LY96: variants seen among roughly 807,000 people sequenced by gnomAD.
The protein encoded by LY96 is lymphocyte antigen 96, also known as myeloid differentiation protein-2.
Under a neutral mutation model 18.9 loss-of-function variants are expected in LY96, and 18 were observed. That is an observed-to-expected ratio of 0.95 (90% CI 0.66 to 1.41). LY96 has a LOEUF of 1.41. Ranked by LOEUF, LY96 falls within the 40% of genes most tolerant of loss-of-function variation. The pLI is 0.00. For synonymous variants in LY96, 66 were observed against 62.6 expected (o/e 1.06, Z -0.26); for missense variants, 175 against 182.4 (o/e 0.96, Z 0.23).
At chr8:74,095,843 C>T in the LY96 span, among the ~76,000 whole-genome samples, 14 of 152,192 alleles carry the variant, frequency 9.2e-5, no homozygotes, top group South Asian at 2.1e-4. Context: ...AACTCCCACA[C>T]GAGCACCTCC....
Position 74,004,845 on chromosome 8 carries a change from GA to G in LY96, c.166del (p.Arg56AspfsTer16). 6.3e-7 allele frequency: 1 copy of G among 1,591,988 alleles called. No homozygotes were observed. The highest frequency in any genetic ancestry group is 8.6e-7 in the Non-Finnish European group (1 of 1,162,214). ...SINVNPCIEL[K>X]RSKGLLHIFY... ...TTAATGTTAACCCCTGTATAGAATT[GA>G]AAAGATCCAAAGGATTATTGCACAT... On this transcript the variant is annotated frameshift_variant, in exon 2 of 5. Transcript: ENST00000284818. LOFTEE classifies it high-confidence loss of function.
chr8:74,026,573 A>G (rs753838402), intron 3 of LY96, among the ~76,000 whole-genome samples: 3 of 152,172 alleles, frequency 2.0e-5, no homozygotes, highest in African/African-American at 7.2e-5. Context: ...TGTGTCCCCT[A>G]AGGGATAAGG....
Position 74,002,052 on chromosome 8 carries a change from T to G in LY96, c.113-2744T>G, listed in dbSNP as rs1464497616. On this transcript the variant is annotated intron_variant, in intron 1 of 4. Coordinates refer to ENST00000284818, the MANE Select transcript of LY96 (RefSeq NM_015364.5). The stretch of plus-strand genomic sequence containing the variant: ...CTTCCTTCCTTCCTTCCTTCCTTCC[T>G]TCCTTCCTTCCTTCCTTCCTTCCTT... Among the ~76,000 whole-genome samples, 64 of 40,750 alleles carry G rather than the reference T, an allele frequency of 1.6e-3. 9 individuals are homozygous for G. Among genetic ancestry groups the G allele is most frequent in the East Asian group, 6.0e-3 (10 of 1,658 alleles). 26.7% of individuals were successfully genotyped at this position (40,750 alleles called of 152,430 possible).
At chr8:74,038,633 C>T in the LY96 span, among the ~76,000 whole-genome samples, 24 of 152,150 alleles carry the variant, frequency 1.6e-4, no homozygotes, top group Non-Finnish European at 2.9e-4. Flanking sequence ...TCAAGGGAGG[C>T]CTACCGTCTC....
the LY96 span, among the ~76,000 whole-genome samples, chr8:74,071,108 C>T: frequency 1.3e-5 from 2 of 152,152 alleles, no homozygotes; most frequent in Admixed American, 6.5e-5. Context: ...AAGCATAGGG[C>T]AGGTGTCAGA....
chr8:74,044,802 A>C, the LY96 span, among the ~76,000 whole-genome samples: 59 of 152,232 alleles, frequency 3.9e-4, no homozygotes, highest in African/African-American at 1.4e-3. Flanking sequence ...AAAGAAGAAA[A>C]ATGGTTTCTG....
At chr8:73,997,146 C>A (rs937955498) in intron 1 of LY96, among the ~76,000 whole-genome samples, 1 of 152,230 alleles carries the variant, frequency 6.6e-6, no homozygotes, top group Non-Finnish European at 1.5e-5. Flanking sequence ...CATGAGCCAC[C>A]GTGTCCGGCC....
chr8:73,991,733 A>G (rs998157070), intron 1 of LY96, among the ~76,000 whole-genome samples, 179 bp downstream of exon 1: 1 of 152,134 alleles, frequency 6.6e-6, no homozygotes, highest in African/African-American at 2.4e-5. Flanking sequence ...AATGTTCTCG[A>G]CCACTCACAG....
the LY96 span, among the ~76,000 whole-genome samples, chr8:74,078,067 G>A: frequency 1.3e-4 from 20 of 150,164 alleles, no homozygotes; most frequent in African/African-American, 4.7e-4. Context: ...GGGATTGTGC[G>A]ACTGCACTCC....
At chr8:74,024,678 C>G (rs553446583) in intron 3 of LY96, among the ~76,000 whole-genome samples, 76 of 152,246 alleles carry the variant, frequency 5.0e-4, no homozygotes, top group African/African-American at 1.6e-3. Context: ...GGATTCAAAC[C>G]CAAGCCGTTC....
At chr8:74,021,117 A>G (rs1326543410) in intron 3 of LY96, among the ~76,000 whole-genome samples, 1 of 152,242 alleles carries the variant, frequency 6.6e-6, no homozygotes, top group Non-Finnish European at 1.5e-5. Flanking sequence ...AGAAACTGTC[A>G]TCAGATTGAA....
the LY96 span, among the ~76,000 whole-genome samples, chr8:74,075,344 C>G: frequency 6.6e-6 from 1 of 152,242 alleles, no homozygotes; most frequent in Admixed American, 6.5e-5. Flanking sequence ...AATCATAGCT[C>G]ACTGCAGCCT....
the LY96 span, among the ~76,000 whole-genome samples, chr8:74,095,414 A>G: frequency 2.0e-5 from 3 of 152,112 alleles, no homozygotes; most frequent in African/African-American, 7.2e-5. Flanking sequence ...ATCCCTCCCT[A>G]TAGGTTTAAT....
At chr8:74,002,085 T>TCTC (rs1816303770) in intron 1 of LY96, among the ~76,000 whole-genome samples, 2 of 29,304 alleles carry the variant, frequency 6.8e-5, no homozygotes, top group Non-Finnish European at 5.9e-5. Flanking sequence ...CTTTCTTTCT[T>TCTC]TCTTTCTTTC....
intron 2 of LY96, among the ~76,000 whole-genome samples, chr8:74,005,734 A>C (rs1816395505): frequency 6.6e-6 from 1 of 152,182 alleles, no homozygotes; most frequent in Non-Finnish European, 1.5e-5. Context: ...GGGTGATAGC[A>C]TGGGGCTGTA....
intron 3 of LY96, among the ~76,000 whole-genome samples, chr8:74,020,811 C>A (rs1011877929): frequency 6.6e-6 from 1 of 152,126 alleles, no homozygotes; most frequent in Non-Finnish European, 1.5e-5. Context: ...CAAAAACAAG[C>A]AATGGGGAAA....
the LY96 span, among the ~76,000 whole-genome samples, chr8:74,037,081 C>T: frequency 6.6e-6 from 1 of 152,124 alleles, no homozygotes; most frequent in Non-Finnish European, 1.5e-5. Flanking sequence ...TGATGTACAA[C>T]ACATTTCTAC....
chr8:74,033,074 A>G (rs1383391632), downstream of LY96, among the ~76,000 whole-genome samples: 4 of 152,144 alleles, frequency 2.6e-5, no homozygotes, highest in South Asian at 6.2e-4. Context: ...TTACATGGGC[A>G]CCCTGGGTGA....
chr8:74,012,666 A>G (rs937354012), intron 3 of LY96, among the ~76,000 whole-genome samples: 1 of 152,170 alleles, frequency 6.6e-6, no homozygotes, highest in Non-Finnish European at 1.5e-5. Context: ...AAATCAGTAT[A>G]AATAAATAAA....
Sources: gnomAD v4.1 joint callset for allele counts (sites outside exome capture counted in the v4.1 genomes callset) on GRCh38, gnomAD v4.1.1 for gene constraint, MANE v1.5 for transcripts, NCBI Gene and HGNC (gene_info 2026-07-23, HGNC 2026-07-21) for gene names.